Variants in CRIM1 observed in about 807,000 individuals in gnomAD.
The protein encoded by CRIM1 is cysteine-rich motor neuron 1 protein.
In CRIM1, 32 loss-of-function variants were observed where a neutral mutation model predicts 116.4. The ratio of observed to expected loss-of-function variants is 0.27; its 90% CI spans 0.21 to 0.37. The LOEUF (loss-of-function observed/expected upper bound fraction) is 0.37, where lower values mean the gene tolerates loss of function less well. Among genes scored for constraint, CRIM1 ranks in the 10% least tolerant of loss-of-function variants. The pLI, the probability that CRIM1 is intolerant of heterozygous loss-of-function variation, is 1.00. For synonymous variants in CRIM1, 590 were observed against 509.2 expected (o/e 1.16, Z -2.13); for missense variants, 1,331 against 1,354.8 (o/e 0.98, Z 0.28).
At chr2:36,497,353 A>T (rs762514222) in intron 7 of CRIM1, among the ~76,000 whole-genome samples, 10 of 152,096 alleles carry the variant, frequency 6.6e-5, no homozygotes, top group Non-Finnish European at 1.5e-4. Flanking sequence ...ACGCTCTCTC[A>T]TATTTGTGGT....
chr2:36,510,542 A>T (rs1051261446), intron 9 of CRIM1, among the ~76,000 whole-genome samples: 1 of 150,290 alleles, frequency 6.7e-6, no homozygotes, highest in Non-Finnish European at 1.5e-5. Flanking sequence ...TTGAAGACCG[A>T]CCCCCCACTC....
Position 36,551,093 on chromosome 2 carries a change from A to T in CRIM1, c.*2392A>T, listed in dbSNP as rs559109088. ...AAAAAGCTGTAAGAGAATTATCTGC[A>T]ACTTGATTCTTGGCAGGAAATAAAC... On this transcript the variant is annotated 3_prime_UTR_variant, in exon 17 of 17. Transcript: ENST00000280527. 1 of 152,756 alleles carries T rather than the reference A, an allele frequency of 6.5e-6. No individual in the cohort carries two copies. Among genetic ancestry groups the T allele is most frequent in the South Asian group, 2.1e-4 (1 of 4,828 alleles). 9.5% of individuals were successfully genotyped at this position (152,756 alleles called of 1,614,324 possible). A position where few individuals can be genotyped will look rare whatever the true frequency, so the allele number is the denominator to read the frequency against.
intron 14 of CRIM1, among the ~76,000 whole-genome samples, chr2:36,538,406 TGAGGTCCTCAGC>T (rs67834571): frequency 0.074 from 11,317 of 152,136 alleles, 1,077 homozygotes; most frequent in East Asian, 0.42. Flanking sequence ...AAGATCTCAT[TGAGGTCCTCAGC>T]GAGTCAGGAG....
chr2:36,503,385 A>G (rs754205273), intron 8 of CRIM1, among the ~76,000 whole-genome samples: 3 of 152,172 alleles, frequency 2.0e-5, no homozygotes, highest in Non-Finnish European at 4.4e-5. Flanking sequence ...GTACCTAACT[A>G]ATGGGTTATT....
intron 2 of CRIM1, among the ~76,000 whole-genome samples, chr2:36,427,443 A>G (rs935572031): frequency 5.3e-5 from 8 of 152,292 alleles, no homozygotes; most frequent in Middle Eastern, 6.8e-3. Context: ...CACTGTTTGA[A>G]CTGTGAGGAA....
At chr2:36,523,582 A>C (rs1456443195) in intron 13 of CRIM1, among the ~76,000 whole-genome samples, 1 of 152,260 alleles carries the variant, frequency 6.6e-6, no homozygotes, top group Non-Finnish European at 1.5e-5. Flanking sequence ...AGTAAAGCTC[A>C]AAGTCAAATG....
At chr2:36,371,036 A>G (rs2148304418) in intron 1 of CRIM1, among the ~76,000 whole-genome samples, 1 of 152,238 alleles carries the variant, frequency 6.6e-6, no homozygotes, top group South Asian at 2.1e-4. Flanking sequence ...AAATTAGGAG[A>G]TGTGGTCAAC....
At chr2:36,514,994 C>CT (rs1321755279) in intron 11 of CRIM1, among the ~76,000 whole-genome samples, 1 of 152,132 alleles carries the variant, frequency 6.6e-6, no homozygotes, top group Non-Finnish European at 1.5e-5. Context: ...GAACTCTTTC[C>CT]TTTTTTCCGA....
At chr2:36,357,517 T>A (rs1008122446) in intron 1 of CRIM1, among the ~76,000 whole-genome samples, 1 of 152,172 alleles carries the variant, frequency 6.6e-6, no homozygotes, top group Non-Finnish European at 1.5e-5. Flanking sequence ...GGGGAGCCAA[T>A]GTTAGTGCGT....
chr2:36,485,386 C>G (rs1325606418), intron 7 of CRIM1, among the ~76,000 whole-genome samples: 1 of 152,180 alleles, frequency 6.6e-6, no homozygotes, highest in Non-Finnish European at 1.5e-5. Context: ...AGTTGTGCTC[C>G]TCTAAAAGGC....
intron 14 of CRIM1, among the ~76,000 whole-genome samples, chr2:36,539,425 CA>C (rs1666786177): frequency 6.6e-6 from 1 of 152,126 alleles, no homozygotes; most frequent in Admixed American, 6.6e-5. Flanking sequence ...CAGCCACGGC[CA>C]GACACAAAGG....
chr2:36,367,271 A>C (rs1313828366), intron 1 of CRIM1, among the ~76,000 whole-genome samples: 2 of 152,198 alleles, frequency 1.3e-5, no homozygotes, highest in Admixed American at 6.5e-5. Flanking sequence ...AGACCAAATA[A>C]ATTTCTGTGT....
At chr2:36,482,779 C>T (rs1256673513) in intron 7 of CRIM1, among the ~76,000 whole-genome samples, 1 of 152,106 alleles carries the variant, frequency 6.6e-6, no homozygotes, top group East Asian at 1.9e-4. Context: ...GATGAAAGGA[C>T]CCCACACAAG....
At chr2:36,442,979 T>G (rs1311865464) in intron 4 of CRIM1, among the ~76,000 whole-genome samples, 1 of 152,170 alleles carries the variant, frequency 6.6e-6, no homozygotes, top group Non-Finnish European at 1.5e-5. Flanking sequence ...CTGTACACTT[T>G]TGAGGGCTGG....
At chr2:36,367,067 A>G (rs1669650299) in intron 1 of CRIM1, among the ~76,000 whole-genome samples, 2 of 152,160 alleles carry the variant, frequency 1.3e-5, no homozygotes, top group Admixed American at 6.5e-5. Flanking sequence ...TTTGAAAAGT[A>G]TGGGCTTTTA....
rs762145108 is a variant in CRIM1, at chr2:36,442,697, C to T, written c.831C>T (p.Val277=). 6.2e-7 allele frequency: 1 copy of T among 1,614,182 alleles called. No individual in the cohort carries two copies. Residue 277 remains valine (V), a synonymous_variant, in exon 4 of 17, where the codon GTC becomes GTT. Transcript: ENST00000280527. ...ACPPDSYETQ[V]RLTADGCCTL... ...CCCCGGACAGCTATGAAACTCAAGTCAGACTAACTGCAGATGGTTGCTGTA... is the reference window on the plus strand; with the variant it reads ...CCCCGGACAGCTATGAAACTCAAGTTAGACTAACTGCAGATGGTTGCTGTA...
chr2:36,408,994 T>G (rs1673016914), intron 2 of CRIM1, among the ~76,000 whole-genome samples: 1 of 141,052 alleles, frequency 7.1e-6, no homozygotes, highest in Admixed American at 7.3e-5. Flanking sequence ...AGTATCTTGA[T>G]TAAGAGATCC....
intron 1 of CRIM1, among the ~76,000 whole-genome samples, chr2:36,360,599 A>C (rs891828815): frequency 3.9e-5 from 6 of 152,188 alleles, no homozygotes; most frequent in African/African-American, 1.4e-4. Flanking sequence ...GAAACTTGCC[A>C]TGCAAAGTTT....
intron 2 of CRIM1, among the ~76,000 whole-genome samples, chr2:36,403,737 T>C (rs545516259): frequency 1.3e-5 from 2 of 152,116 alleles, no homozygotes; most frequent in East Asian, 3.9e-4. Context: ...TTTGGGAGGA[T>C]GATAGGATAT....
Sources: allele counts gnomAD v4.1 joint callset (sites outside exome capture counted in the v4.1 genomes callset), GRCh38; gene constraint gnomAD v4.1.1; transcripts MANE v1.5; gene names NCBI Gene and HGNC (gene_info 2026-07-23, HGNC 2026-07-21).